The following EFCC1 variants were observed in gnomAD, a reference collection of about 807,000 sequenced individuals.
EFCC1 encodes the protein EF-hand and coiled-coil domain-containing protein 1.
In EFCC1, 50 loss-of-function variants were observed where a neutral mutation model predicts 52.1. The ratio of observed to expected loss-of-function variants is 0.96; its 90% CI spans 0.76 to 1.21. The LOEUF is 1.21. Among genes scored for constraint, EFCC1 ranks in the 50% most tolerant of loss-of-function variants. The pLI is 0.00. For synonymous variants in EFCC1, 399 were observed against 396.5 expected (o/e 1.01, Z -0.08); for missense variants, 837 against 867.3 (o/e 0.97, Z 0.44).
chr3:129,004,003 G>A lies in EFCC1; in HGVS notation c.906G>A (p.Leu302=). The A allele has an allele frequency of 6.6e-7, 1 of 1,505,898 alleles. No homozygotes were observed. The highest frequency in any genetic ancestry group is 8.8e-7 in the Non-Finnish European group (1 of 1,134,586). 93.3% of individuals were successfully genotyped at this position (1,505,898 alleles called of 1,614,324 possible). The part of the protein sequence containing the change: ...VLRSLHRVRE[L]EALAQQVPGL... The stretch of plus-strand genomic sequence containing the variant: ...GCAGCCTGCACCGCGTGCGAGAGCT[G>A]GAGGCGCTGGCGCAACAGGTGCCCG... Residue 302 remains leucine, a synonymous_variant, in exon 2 of 8, where the codon CTG becomes CTA. Transcript: ENST00000683648.
chr3:129,029,507 G>A lies in EFCC1; in HGVS notation c.981-1196G>A, dbSNP rs377007391. ...TCCCAGTGCTTTTGGAGGCCAAGGCGCTGGAGGATCTCTTAAGACCAGGAG... is the reference window on the plus strand; with the variant it reads ...TCCCAGTGCTTTTGGAGGCCAAGGCACTGGAGGATCTCTTAAGACCAGGAG... On this transcript the variant is annotated intron_variant, in intron 2 of 7. Transcript: ENST00000683648. Among the ~76,000 whole-genome samples the A allele has an allele frequency of 2.2e-4, 34 of 152,216 alleles. 2 individuals carry two copies. The highest frequency in any genetic ancestry group is 9.7e-4 in the East Asian group (5 of 5,174).
chr3:129,039,990 A>G lies in EFCC1; in HGVS notation c.*142A>G. 2 of 1,199,186 alleles carry G rather than the reference A, an allele frequency of 1.7e-6. No individual in the cohort carries two copies. The highest frequency in any genetic ancestry group is 1.1e-6 in the Non-Finnish European group (1 of 906,402). The allele number at this position is 1,199,186 out of a possible 1,614,324, so 74.3% of individuals were successfully genotyped here. The stretch of plus-strand genomic sequence containing the variant: ...GTCTCTGCTGGCTCCTTCCAAGGTT[A>G]AGCCCGAGCCCAGAGCCTCCCATTG... On this transcript the variant is annotated 3_prime_UTR_variant, in exon 8 of 8. Transcript: ENST00000683648.
At chr3:129,005,296 G>T (rs575673899) in intron 2 of EFCC1, among the ~76,000 whole-genome samples, 2 of 152,224 alleles carry the variant, frequency 1.3e-5, no homozygotes, top group African/African-American at 4.8e-5. Flanking sequence ...GGATGTTACC[G>T]GGCCAGATGG....
chr3:129,004,416 C>T (rs1033888512), intron 2 of EFCC1, among the ~76,000 whole-genome samples: 7 of 141,280 alleles, frequency 5.0e-5, no homozygotes, highest in Admixed American at 2.8e-4. Context: ...TCCACTCACC[C>T]ATTCATCCAT....
At chr3:129,005,246 A>G (rs1489619536) in intron 2 of EFCC1, among the ~76,000 whole-genome samples, 1 of 152,180 alleles carries the variant, frequency 6.6e-6, no homozygotes, top group Non-Finnish European at 1.5e-5. Context: ...GGTGGGGGAC[A>G]CTCATCAGCC....
chr3:129,010,258 A>C lies in EFCC1; in HGVS notation c.980+6181A>C, dbSNP rs1313112683. Reference sequence around the variant, plus strand: ...GTCCTTTTGAAACCGCCCATATCTCAACCAGTTGCCTGGCCTGGCCCCCTA... The same window carrying C: ...GTCCTTTTGAAACCGCCCATATCTCCACCAGTTGCCTGGCCTGGCCCCCTA... On this transcript the variant is annotated intron_variant, in intron 2 of 7. Transcript: ENST00000683648. This position sits in a 1 kb window ranked among gnomAD's most constrained non-coding sequence, Gnocchi z 4.3. 6.6e-6 allele frequency among the ~76,000 whole-genome samples: 1 copy of C among 152,222 alleles called. No individual in the cohort carries two copies. The highest frequency in any genetic ancestry group is 1.5e-5 in the Non-Finnish European group (1 of 68,036).
intron 2 of EFCC1, among the ~76,000 whole-genome samples, chr3:129,006,233 T>A (rs984329138): frequency 6.6e-6 from 1 of 152,198 alleles, no homozygotes; most frequent in African/African-American, 2.4e-5. Context: ...CCTCCAGACC[T>A]TGCATCTGCT....
intron 2 of EFCC1, among the ~76,000 whole-genome samples, chr3:129,013,585 C>G (rs1945431771): frequency 6.6e-6 from 1 of 152,198 alleles, no homozygotes; most frequent in African/African-American, 2.4e-5. Context: ...CAATCACCCC[C>G]ATCAGAAACA....
At position 129,003,820 on chromosome 3, in the gene EFCC1, C is replaced by T. The variant is rs183061517; in HGVS notation, c.723C>T (p.Ser241=). The T allele has an allele frequency of 5.2e-3, 7,668 of 1,465,362 alleles. 36 individuals carry two copies. Among genetic ancestry groups the T allele is most frequent in the Non-Finnish European group, 6.5e-3 (7,227 of 1,113,328 alleles). The allele number at this position is 1,465,362 out of a possible 1,614,324, so 90.8% of individuals were successfully genotyped here. Reference sequence around the variant, plus strand: ...TCGGACTCTGGAAGAGCCAGGCGAGCACCCACGAGATGGGGCACGGCGGGC... The same window carrying T: ...TCGGACTCTGGAAGAGCCAGGCGAGTACCCACGAGATGGGGCACGGCGGGC... ...LQVGLWKSQA[S]THEMGHGGPE... is the part of the protein sequence containing the mutation. The change falls in exon 2 of 8, where the codon AGC becomes AGT. Residue 241 remains serine (S), a synonymous_variant. Coordinates refer to ENST00000683648, the MANE Select transcript of EFCC1 (RefSeq NM_001377500.1).
In EFCC1 at chr3:129,003,684, G is replaced by A. The variant is rs1944911895; in HGVS notation, c.697-110G>A. 5.6e-6 allele frequency: 6 copies of A among 1,075,264 alleles called. No individual in the cohort carries two copies. In the African/African-American group the frequency reaches 8.4e-5, roughly 15 times the overall value. 66.6% of individuals were successfully genotyped at this position (1,075,264 alleles called of 1,614,324 possible). A position where few individuals can be genotyped will look rare whatever the true frequency, so the allele number is the denominator to read the frequency against. On this transcript the variant is annotated intron_variant, in intron 1 of 7. Coordinates refer to ENST00000683648, the MANE Select transcript of EFCC1 (RefSeq NM_001377500.1). ...CGGAAGCAGACGGCGCAAGAAACGT[G>A]CTCAAGCGCTTCTGGGTGCAGAGGC...
intron 2 of EFCC1, among the ~76,000 whole-genome samples, chr3:129,015,254 GC>G (rs762572014): frequency 5.3e-5 from 8 of 151,962 alleles, no homozygotes; most frequent in Non-Finnish European, 1.0e-4. Context: ...CCATCCCCAA[GC>G]CTACTCCTGA....
chr3:129,013,571 C>T (rs1458933992), intron 2 of EFCC1, among the ~76,000 whole-genome samples: 1 of 152,206 alleles, frequency 6.6e-6, no homozygotes, highest in African/African-American at 2.4e-5. Flanking sequence ...AGCTCCTATC[C>T]TCCCAATCAC....
chr3:129,025,369 C>G (rs1015467482), intron 2 of EFCC1, among the ~76,000 whole-genome samples: 1 of 152,106 alleles, frequency 6.6e-6, no homozygotes, highest in Non-Finnish European at 1.5e-5. Flanking sequence ...TCCCGGAAGC[C>G]ACGGGAAGAG....
chr3:129,009,913 T>C (rs1945243231), intron 2 of EFCC1, among the ~76,000 whole-genome samples: 1 of 152,174 alleles, frequency 6.6e-6, no homozygotes, highest in African/African-American at 2.4e-5. Context: ...GATTCAGGGC[T>C]CACTGGGGAG....
Position 129,004,005 on chromosome 3 carries a change from A to C in EFCC1, c.908A>C (p.Glu303Ala), listed in dbSNP as rs779196353. 5.8e-5 allele frequency: 87 copies of C among 1,505,738 alleles called. No individual in the cohort carries two copies. The highest frequency in any genetic ancestry group is 2.8e-4 in the East Asian group (10 of 36,326). 93.3% of individuals were successfully genotyped at this position (1,505,738 alleles called of 1,614,324 possible). Reference sequence around the variant, plus strand: ...AGCCTGCACCGCGTGCGAGAGCTGGAGGCGCTGGCGCAACAGGTGCCCGGC... The same window carrying C: ...AGCCTGCACCGCGTGCGAGAGCTGGCGGCGCTGGCGCAACAGGTGCCCGGC... ...LRSLHRVREL[E>A]ALAQQVPGLQ... The change falls in exon 2 of 8, where the codon GAG becomes GCG. Residue 303 changes from glutamate (E) to alanine (A), a missense_variant. By Grantham distance (107) the Glu-to-Ala change is moderately radical. Coordinates refer to ENST00000683648, the MANE Select transcript of EFCC1 (RefSeq NM_001377500.1).
At chr3:129,026,091 T>C (rs1461013529) in intron 2 of EFCC1, among the ~76,000 whole-genome samples, 5 of 152,252 alleles carry the variant, frequency 3.3e-5, no homozygotes, top group Admixed American at 1.3e-4. Flanking sequence ...TTACCTGTTA[T>C]AGGGTTTTCA....
chr3:129,002,351 G>A, intron 1 of EFCC1, 27 bp downstream of exon 1: 1 of 1,501,600 alleles, frequency 6.7e-7, no homozygotes, highest in Admixed American at 2.1e-5. Flanking sequence ...AAGGGAGGGT[G>A]GTAACGCCCG....
chr3:129,030,763 T>C lies in EFCC1; in HGVS notation c.1041T>C (p.Ser347=). The C allele has an allele frequency of 6.4e-7, 1 of 1,551,158 alleles. No individual in the cohort carries two copies. The highest frequency in any genetic ancestry group is 8.7e-7 in the Non-Finnish European group (1 of 1,146,824). Residue 347 remains serine, a synonymous_variant, in exon 3 of 8, where the codon AGT becomes AGC. Transcript: ENST00000683648. Reference sequence around the variant, plus strand: ...CCAACCCAGAGCCAGGAGACAAGAGTAATGAACCTGAAGATGCTGGGACCA... The same window carrying C: ...CCAACCCAGAGCCAGGAGACAAGAGCAATGAACCTGAAGATGCTGGGACCA... ...QLANPEPGDK[S]NEPEDAGTRD... is the part of the protein sequence containing the mutation.
At chr3:129,038,408 A>G (rs757649364) in intron 6 of EFCC1, among the ~76,000 whole-genome samples, 5 of 152,262 alleles carry the variant, frequency 3.3e-5, no homozygotes, top group Admixed American at 6.5e-5. Context: ...TAGATGATGC[A>G]GCCCCTCCAC....
Sources: gnomAD v4.1 joint callset for allele counts (sites outside exome capture counted in the v4.1 genomes callset) on GRCh38, gnomAD v4.1.1 for gene constraint, Gnocchi (gnomAD v3.1) non-coding constraint, MANE v1.5 for transcripts, NCBI Gene and HGNC (gene_info 2026-07-23, HGNC 2026-07-21) for gene names.